Variants in IER3IP1 observed in about 807,000 individuals in gnomAD.
IER3IP1 encodes the protein immediate early response 3 interacting protein 1, also known as immediate early response 3-interacting protein 1.
A neutral mutation model predicts 12.2 loss-of-function variants in IER3IP1; 16 were observed. That is an observed-to-expected ratio of 1.31 (90% CI 0.89 to 1.99). IER3IP1 has a LOEUF of 1.99. Ranked by LOEUF, IER3IP1 falls within the 30% of genes most tolerant of loss-of-function variation. The pLI, the probability that IER3IP1 is intolerant of heterozygous loss-of-function variation, is 0.00. For synonymous variants in IER3IP1, 42 were observed against 40.0 expected, an observed-to-expected ratio of 1.05 and a Z score of -0.19; for missense variants, 95 against 95.8, an observed-to-expected ratio of 0.99 and a Z score of 0.03.
intron 1 of IER3IP1, among the ~76,000 whole-genome samples, chr18:47,169,804 C>A (rs1414451870): frequency 6.6e-6 from 1 of 151,910 alleles, no homozygotes; most frequent in Non-Finnish European, 1.5e-5. Context: ...AGTTATTTAT[C>A]TTTTATTATT....
intron 1 of IER3IP1, among the ~76,000 whole-genome samples, chr18:47,157,992 A>T (rs190364378): frequency 1.3e-5 from 2 of 152,352 alleles, no homozygotes; most frequent in African/African-American, 4.8e-5. Flanking sequence ...TGTCTACATT[A>T]CTTGGGGAAA....
intron 1 of IER3IP1, among the ~76,000 whole-genome samples, chr18:47,174,642 C>T (rs965999103): frequency 7.4e-5 from 11 of 149,098 alleles, no homozygotes; most frequent in African/African-American, 2.5e-5. Flanking sequence ...GCACTCCAGC[C>T]GGGGGGACAG....
At chr18:47,168,012 G>A (rs1403453097) in intron 1 of IER3IP1, among the ~76,000 whole-genome samples, 1 of 150,506 alleles carries the variant, frequency 6.6e-6, no homozygotes, top group Non-Finnish European at 1.5e-5. Context: ...TGTAGTCCCA[G>A]CTACTCAGGA....
At position 47,155,922 on chromosome 18, in the gene IER3IP1, A is replaced by G. The variant is rs2063957091; in HGVS notation, c.*255T>C. ...TAACAATCTCACCACAGCATGAACT[A>G]CTATTAACACTGAGCAATCAGATAT... On this transcript the variant is annotated 3_prime_UTR_variant, in exon 3 of 3. Transcript: ENST00000256433. 1 of 384,424 alleles carries G rather than the reference A, an allele frequency of 2.6e-6. No homozygotes were observed. Among genetic ancestry groups the G allele is most frequent in the Non-Finnish European group, 4.6e-6 (1 of 215,178 alleles). 23.8% of individuals were successfully genotyped at this position (384,424 alleles called of 1,614,324 possible).
rs1304742395 is a variant in IER3IP1 at position 47,172,942 on chromosome 18, G to A, written c.91+3245C>T. The stretch of plus-strand genomic sequence containing the variant: ...ATCTCTACCTAAACAATAAATACTA[G>A]AGGAGATTCTAGGGCTGTCTGGGGC... On this transcript the variant is annotated intron_variant, in intron 1 of 2. Coordinates refer to ENST00000256433, the MANE Select transcript of IER3IP1 (RefSeq NM_016097.5). This position sits in a 1 kb window ranked among gnomAD's most constrained non-coding sequence, Gnocchi z 4.0. Among the ~76,000 whole-genome samples the A allele has an allele frequency of 6.6e-6, 1 of 152,120 alleles. No homozygotes were observed. Among genetic ancestry groups the A allele is most frequent in the Non-Finnish European group, 1.5e-5 (1 of 68,024 alleles).
intron 1 of IER3IP1, among the ~76,000 whole-genome samples, chr18:47,166,030 A>T (rs2063994929): frequency 6.6e-6 from 1 of 152,260 alleles, no homozygotes; most frequent in South Asian, 2.1e-4. Flanking sequence ...TCAAACTGGT[A>T]CTGGATAAAG....
chr18:47,153,183 G>A lies in IER3IP1; in HGVS notation c.*2994C>T, dbSNP rs2063946439. Reference sequence around the variant, plus strand: ...CCTACTCTTATTGTATCTAAAGCAAGGATTTTGATGGGGAGAGGAAGGTGG... The same window carrying A: ...CCTACTCTTATTGTATCTAAAGCAAAGATTTTGATGGGGAGAGGAAGGTGG... On this transcript the variant is annotated 3_prime_UTR_variant, in exon 3 of 3. Coordinates refer to ENST00000256433, the MANE Select transcript of IER3IP1 (RefSeq NM_016097.5). 1 of 152,172 alleles carries A rather than the reference G, an allele frequency of 6.6e-6. No homozygotes were observed. Among genetic ancestry groups the A allele is most frequent in the East Asian group, 1.9e-4 (1 of 5,202 alleles). 9.4% of individuals were successfully genotyped at this position (152,172 alleles called of 1,614,324 possible). A position where few individuals can be genotyped will look rare whatever the true frequency, so the allele number is the denominator to read the frequency against.
chr18:47,159,333 T>C (rs1489556587), intron 1 of IER3IP1, among the ~76,000 whole-genome samples: 1 of 152,190 alleles, frequency 6.6e-6, no homozygotes, highest in Non-Finnish European at 1.5e-5. Context: ...TAACAAGAAA[T>C]TTTATTTTTC....
In IER3IP1 at chr18:47,155,005, CACTG is replaced by C. The variant is rs2063953103; in HGVS notation, c.*1168_*1171del. The C allele has an allele frequency of 6.6e-6, 1 of 152,122 alleles. No individual in the cohort carries two copies. The highest frequency in any genetic ancestry group is 1.5e-5 in the Non-Finnish European group (1 of 68,014). The allele number at this position is 152,122 out of a possible 1,614,324, so 9.4% of individuals were successfully genotyped here. A position where few individuals can be genotyped will look rare whatever the true frequency, so the allele number is the denominator to read the frequency against. Reference sequence around the variant, plus strand: ...CCAAAATGGAGATTAATGCAGTTAACACTGACAGGTTTATACTAAGGTACAAAAA... The same window carrying C: ...CCAAAATGGAGATTAATGCAGTTAACACAGGTTTATACTAAGGTACAAAAA... On this transcript the variant is annotated 3_prime_UTR_variant, in exon 3 of 3. Coordinates refer to ENST00000256433, the MANE Select transcript of IER3IP1 (RefSeq NM_016097.5).
In IER3IP1 at chr18:47,155,415, G is replaced by C; in HGVS notation, c.*762C>G. ...TGATTGTTTAGGACTGCTCTTGTGG[G>C]CTAATATTTACGCTGTTGTTTTTTT... On this transcript the variant is annotated 3_prime_UTR_variant, in exon 3 of 3. Transcript: ENST00000256433. The C allele has an allele frequency of 6.6e-6, 1 of 152,008 alleles. No individual in the cohort carries two copies. The highest frequency in any genetic ancestry group is 1.9e-4 in the East Asian group (1 of 5,196). The allele number at this position is 152,008 out of a possible 1,614,324, so 9.4% of individuals were successfully genotyped here.
intron 1 of IER3IP1, 37 bp downstream of exon 1, chr18:47,176,150 G>T: frequency 1.9e-6 from 3 of 1,541,140 alleles, no homozygotes; most frequent in Non-Finnish European, 1.8e-6. Flanking sequence ...CGGGGACTCC[G>T]CCGCCGCCCC....
At chr18:47,174,970 A>G (rs2064027353) in intron 1 of IER3IP1, among the ~76,000 whole-genome samples, 1 of 152,162 alleles carries the variant, frequency 6.6e-6, no homozygotes, top group Non-Finnish European at 1.5e-5. Context: ...ATCTGCCCGT[A>G]CTTCTCTTAC....
At chr18:47,158,974 T>C (rs2063970700) in intron 1 of IER3IP1, among the ~76,000 whole-genome samples, 1 of 151,902 alleles carries the variant, frequency 6.6e-6, no homozygotes, top group Non-Finnish European at 1.5e-5. Flanking sequence ...AAAAATTTTT[T>C]TTAAAGAGGC....
chr18:47,157,840 A>G (rs1287646813), intron 1 of IER3IP1, among the ~76,000 whole-genome samples: 1 of 152,158 alleles, frequency 6.6e-6, no homozygotes, highest in African/African-American at 2.4e-5. Context: ...CTTTTTTTAA[A>G]ATATCATACA....
intron 1 of IER3IP1, among the ~76,000 whole-genome samples, chr18:47,169,774 C>G (rs2064009349): frequency 1.3e-5 from 2 of 152,010 alleles, no homozygotes; most frequent in African/African-American, 4.8e-5. Flanking sequence ...TATTCAGTTC[C>G]TTTGTAAATG....
At chr18:47,159,119 C>T (rs1319732618) in intron 1 of IER3IP1, among the ~76,000 whole-genome samples, 1 of 152,166 alleles carries the variant, frequency 6.6e-6, no homozygotes, top group Non-Finnish European at 1.5e-5. Flanking sequence ...ACAGGTATAA[C>T]AGCCATGAGC....
chr18:47,171,348 C>T lies in IER3IP1; in HGVS notation c.91+4839G>A, dbSNP rs560528034. 2.6e-4 allele frequency among the ~76,000 whole-genome samples: 40 copies of T among 152,186 alleles called. 1 individual carries two copies. The South Asian group carries it at 7.9e-3, about 30-fold the overall frequency. On this transcript the variant is annotated intron_variant, in intron 1 of 2. Transcript: ENST00000256433. ...TCGATAGTCTCTTTTCTTGTGATGT[C>T]GCTGTCTGGTTTTCATATTAGGTTA...
intron 1 of IER3IP1, among the ~76,000 whole-genome samples, chr18:47,174,602 G>T (rs2064025494): frequency 6.6e-6 from 1 of 151,748 alleles, no homozygotes; most frequent in Admixed American, 6.6e-5. Flanking sequence ...CTGGGAGGCG[G>T]AGGATGCAGT....
chr18:47,167,783 T>C (rs1241190241), intron 1 of IER3IP1, among the ~76,000 whole-genome samples: 1 of 152,194 alleles, frequency 6.6e-6, no homozygotes, highest in African/African-American at 2.4e-5. Context: ...ATTTCTCTTA[T>C]AAACCCAAAA....
Sources: gnomAD v4.1 joint callset for allele counts (sites outside exome capture counted in the v4.1 genomes callset) on GRCh38, gnomAD v4.1.1 for gene constraint, Gnocchi (gnomAD v3.1) non-coding constraint, MANE v1.5 for transcripts, NCBI Gene and HGNC (gene_info 2026-07-23, HGNC 2026-07-21) for gene names.